NMNAT2: variants seen among roughly 807,000 people sequenced by gnomAD.
NMNAT2 encodes the protein nicotinamide/nicotinic acid mononucleotide adenylyltransferase 2.
In NMNAT2, 11 loss-of-function variants were observed where a neutral mutation model predicts 41.6. The observed-to-expected ratio is 0.26, with a 90% CI of 0.17 to 0.44. NMNAT2 has a LOEUF of 0.44. Ranked by LOEUF, NMNAT2 falls within the 20% of genes least tolerant of loss-of-function variation. NMNAT2 has a pLI of 1.00. For missense variants in NMNAT2, 288 were observed against 407.7 expected (o/e 0.71, Z 2.53); for synonymous variants, 148 against 151.2 (o/e 0.98, Z 0.16).
chr1:183,329,589 T>A lies in NMNAT2; in HGVS notation c.86-35796A>T, dbSNP rs143800650. 2.2e-3 allele frequency among the ~76,000 whole-genome samples: 332 copies of A among 152,356 alleles called. 1 individual carries two copies. The highest frequency in any genetic ancestry group is 6.8e-3 in the Middle Eastern group (2 of 294). Reference sequence around the variant, plus strand: ...CTAAGATCATTATTCAAGCCCTCACTGTTCCCCTCATGGAGGGCTGCAGCC... The same window carrying A: ...CTAAGATCATTATTCAAGCCCTCACAGTTCCCCTCATGGAGGGCTGCAGCC... On this transcript the variant is annotated intron_variant, in intron 1 of 10. Coordinates refer to ENST00000287713, the MANE Select transcript of NMNAT2 (RefSeq NM_015039.4).
In NMNAT2 at chr1:183,418,348, G is replaced by T; in HGVS notation, c.-81C>A. ...TTGTGTCTGCAGAGGGAGAAAGGAAGGCGAGGCTCCGGCGGTGGATGCTGT... is the reference window on the plus strand; with the variant it reads ...TTGTGTCTGCAGAGGGAGAAAGGAATGCGAGGCTCCGGCGGTGGATGCTGT... On this transcript the variant is annotated 5_prime_UTR_variant, in exon 1 of 11. Transcript: ENST00000287713. The T allele has an allele frequency of 7.2e-7, 1 of 1,390,080 alleles. No homozygotes were observed. The allele number at this position is 1,390,080 out of a possible 1,614,324, so 86.1% of individuals were successfully genotyped here.
chr1:183,325,639 G>T (rs1225641371), intron 1 of NMNAT2, among the ~76,000 whole-genome samples: 1 of 152,190 alleles, frequency 6.6e-6, no homozygotes, highest in African/African-American at 2.4e-5. Flanking sequence ...CATTTCCTCA[G>T]TGGAACATTT....
intron 1 of NMNAT2, among the ~76,000 whole-genome samples, chr1:183,402,778 T>C (rs1648848334): frequency 6.6e-6 from 1 of 152,132 alleles, no homozygotes. Context: ...ACGAAGGTCT[T>C]TGGACAGGTT....
At chr1:183,317,655 G>A (rs1304266466) in intron 1 of NMNAT2, among the ~76,000 whole-genome samples, 1 of 152,270 alleles carries the variant, frequency 6.6e-6, no homozygotes, top group Non-Finnish European at 1.5e-5. Context: ...TTTGGAAGCC[G>A]AGAAGACTTT....
intron 1 of NMNAT2, among the ~76,000 whole-genome samples, chr1:183,414,410 C>G (rs868049387): frequency 1.3e-5 from 2 of 152,192 alleles, no homozygotes; most frequent in Admixed American, 6.5e-5. Flanking sequence ...TCTCTGACTT[C>G]CCAGTGGTAG....
intron 1 of NMNAT2, among the ~76,000 whole-genome samples, chr1:183,353,790 G>A (rs1156586763): frequency 6.6e-6 from 1 of 152,054 alleles, no homozygotes; most frequent in Non-Finnish European, 1.5e-5. Flanking sequence ...TGACTTACTG[G>A]TATTCAGACC....
chr1:183,348,040 AT>A (rs911122465), intron 1 of NMNAT2, among the ~76,000 whole-genome samples: 47 of 151,892 alleles, frequency 3.1e-4, no homozygotes, highest in African/African-American at 9.7e-4. Context: ...CCTCCCATTC[AT>A]TTAGAAAGAT....
In NMNAT2 at chr1:183,346,989, C is replaced by T. The variant is rs190667930; in HGVS notation, c.86-53196G>A. Among the ~76,000 whole-genome samples the T allele has an allele frequency of 3.8e-4, 58 of 152,302 alleles. 2 individuals carry two copies. In the East Asian group the frequency reaches 0.01, roughly 27 times the overall value. On this transcript the variant is annotated intron_variant, in intron 1 of 10. Transcript: ENST00000287713. ...TCAAGACCCACTCAGATTCCACCTC[C>T]TCCATGAAGCCTTCCTTGACCTTCT...
At chr1:183,409,959 T>C (rs906510200) in intron 1 of NMNAT2, among the ~76,000 whole-genome samples, 8 of 152,190 alleles carry the variant, frequency 5.3e-5, no homozygotes, top group Admixed American at 1.3e-4. Flanking sequence ...TTCTCACTTA[T>C]GTATTTCCTC....
chr1:183,339,749 C>T (rs1049189356), intron 1 of NMNAT2, among the ~76,000 whole-genome samples: 10 of 142,280 alleles, frequency 7.0e-5, no homozygotes, highest in Admixed American at 1.4e-4. Context: ...TGCCCTGCCA[C>T]CCAGGGAGGT....
chr1:183,310,172 A>C (rs934040568), intron 1 of NMNAT2, among the ~76,000 whole-genome samples: 3 of 152,212 alleles, frequency 2.0e-5, no homozygotes, highest in South Asian at 4.1e-4. Flanking sequence ...GGTGGGTCTC[A>C]GACGGACTCT....
intron 1 of NMNAT2, among the ~76,000 whole-genome samples, chr1:183,373,939 A>C (rs1663615058): frequency 6.6e-6 from 1 of 152,180 alleles, no homozygotes; most frequent in South Asian, 2.1e-4. Flanking sequence ...ATTCTTTATT[A>C]GTAATTAAGA....
At chr1:183,387,400 C>G (rs1648277335) in intron 1 of NMNAT2, among the ~76,000 whole-genome samples, 1 of 152,042 alleles carries the variant, frequency 6.6e-6, no homozygotes, top group Non-Finnish European at 1.5e-5. Flanking sequence ...TAGTTTTGGG[C>G]CATTTACCAT....
intron 1 of NMNAT2, among the ~76,000 whole-genome samples, chr1:183,318,408 G>A (rs894099437): frequency 6.6e-6 from 1 of 152,198 alleles, no homozygotes; most frequent in Non-Finnish European, 1.5e-5. Flanking sequence ...GCCCACAGGT[G>A]GGGAGGAATG....
In NMNAT2 at chr1:183,278,570, G is replaced by A. The variant is rs747461955; in HGVS notation, c.634C>T (p.Leu212Phe). ...DLLESFCIPGLWNEADMEVIV... is the reference protein window; with the variant it reads ...DLLESFCIPGFWNEADMEVIV... ...CTACTCACATCTGCCTCGTTCCAGA[G>A]CCCTGGGATGCAGAAGGACTCCAGC... Residue 212 changes from leucine to phenylalanine, a missense_variant, in exon 8 of 11, where the codon CTC becomes TTC. Physicochemically the swap from Leu to Phe is conservative, Grantham distance 22. Around this residue, in one of 3 missense-constraint regions of NMNAT2, gnomAD observed 181 missense variants for 213.7 expected, o/e 0.85. Transcript: ENST00000287713. 6.2e-7 allele frequency: 1 copy of A among 1,612,986 alleles called. No homozygotes were observed. The highest frequency in any genetic ancestry group is 8.5e-7 in the Non-Finnish European group (1 of 1,179,022).
chr1:183,316,240 A>G (rs925730547), intron 1 of NMNAT2, among the ~76,000 whole-genome samples: 4 of 152,140 alleles, frequency 2.6e-5, no homozygotes, highest in Non-Finnish European at 5.9e-5. Flanking sequence ...ATTTTGGCAC[A>G]GGTCATGGAG....
chr1:183,275,430 G>T (rs1033945495), intron 8 of NMNAT2, among the ~76,000 whole-genome samples: 1 of 151,914 alleles, frequency 6.6e-6, no homozygotes, highest in Admixed American at 6.6e-5. Context: ...GCAGGGTGGG[G>T]AAGCAGGTCT....
chr1:183,277,221 G>A (rs1661144377), intron 8 of NMNAT2, among the ~76,000 whole-genome samples: 1 of 152,118 alleles, frequency 6.6e-6, no homozygotes, highest in Non-Finnish European at 1.5e-5. Context: ...AGTGCCTCAC[G>A]CCTGTAATCC....
intron 1 of NMNAT2, among the ~76,000 whole-genome samples, chr1:183,400,115 G>A (rs12145853): frequency 0.41 from 62,829 of 151,978 alleles, 13,696 homozygotes; most frequent in East Asian, 0.64. Flanking sequence ...AAAAGAGGAA[G>A]TCAAATTGTC....
Sources: allele counts gnomAD v4.1 joint callset (sites outside exome capture counted in the v4.1 genomes callset), GRCh38; gene constraint gnomAD v4.1.1; regional missense constraint gnomAD v4.1.1; transcripts MANE v1.5; gene names NCBI Gene and HGNC (gene_info 2026-07-23, HGNC 2026-07-21).